The following VRTN variants were observed in gnomAD, a reference collection of about 807,000 sequenced individuals.
VRTN encodes the protein vertnin.
Under a neutral mutation model 18.2 loss-of-function variants are expected in VRTN, and 5 were observed. The ratio of observed to expected loss-of-function variants is 0.27; its 90% CI spans 0.14 to 0.58. The LOEUF (loss-of-function observed/expected upper bound fraction) is 0.58, where lower values mean the gene tolerates loss of function less well. Among genes scored for constraint, VRTN ranks in the 20% least tolerant of loss-of-function variants. The probability of loss-of-function intolerance (pLI) is 0.91; values close to 1 mark genes in which losing one functional copy is unlikely to be tolerated. For synonymous variants in VRTN, 381 were observed against 393.7 expected, an observed-to-expected ratio of 0.97 and a Z score of 0.38; for missense variants, 741 against 939.4, an observed-to-expected ratio of 0.79 and a Z score of 2.76.
chr14:74,352,916 A>G (rs1211047622), intron 1 of VRTN, among the ~76,000 whole-genome samples: 1 of 152,232 alleles, frequency 6.6e-6, no homozygotes, highest in Non-Finnish European at 1.5e-5. Flanking sequence ...TGAACAATAA[A>G]AACATACCAA....
In VRTN at chr14:74,358,810, C is replaced by T; in HGVS notation, c.2027C>T (p.Ala676Val). 6.2e-7 allele frequency: 1 copy of T among 1,614,232 alleles called. No individual in the cohort carries two copies. Among genetic ancestry groups the T allele is most frequent in the East Asian group, 2.2e-5 (1 of 44,882 alleles). ...KSFPSYKEFS[A>V]LFPLTARSTY... ...TTTCCCTCCTACAAGGAGTTCAGTG[C>T]CCTCTTTCCCCTCACTGCCCGCTCC... The change falls in exon 2 of 2, where the codon GCC (alanine) becomes GTC (valine). Residue 676 changes from alanine to valine, a missense_variant. By Grantham distance (64) the Ala-to-Val change is moderately conservative (BLOSUM62 0). This residue lies in a region of VRTN where 61 missense variants were observed against 104.6 expected (regional missense o/e 0.58). Transcript: ENST00000256362. The surrounding 1 kb of genome is among the most constrained non-coding windows in gnomAD (Gnocchi z 5.4).
chr14:74,342,888 A>G (rs1336629163), intron 2 of VRTN, among the ~76,000 whole-genome samples: 1 of 152,154 alleles, frequency 6.6e-6, no homozygotes, highest in Admixed American at 6.6e-5. Flanking sequence ...AAGTTCTAGG[A>G]TTACAGGTGT....
chr14:74,357,814 G>A lies in VRTN; in HGVS notation c.1031G>A (p.Arg344His), dbSNP rs147057914. Residue 344 changes from arginine (R) to histidine (H), a missense_variant, in exon 2 of 2, where the codon CGC (arginine) becomes CAC (histidine). Around this residue, in one of 3 missense-constraint regions of VRTN, gnomAD observed 494 missense variants for 546.5 expected, o/e 0.90. Transcript: ENST00000256362. This position sits in a 1 kb window ranked among gnomAD's most constrained non-coding sequence, Gnocchi z 7.8. Reference protein sequence around the residue: ...QFLQRFPEISRSTYYAWKHEL... With the variant: ...QFLQRFPEISHSTYYAWKHEL... ...CTCCAGCGGTTCCCGGAGATCTCCC[G>A]CTCAACCTACTATGCCTGGAAGCAT... The A allele has an allele frequency of 3.5e-4, 563 of 1,613,192 alleles. No individual in the cohort carries two copies. Among genetic ancestry groups the A allele is most frequent in the Admixed American group, 4.3e-4 (26 of 60,020 alleles).
intron 1 of VRTN, among the ~76,000 whole-genome samples, chr14:74,314,397 T>C (rs951778446): frequency 1.4e-5 from 2 of 145,580 alleles, no homozygotes; most frequent in African/African-American, 5.1e-5. Context: ...AACTGTTCTT[T>C]TTTTTTTTTT....
rs1032266566 is a variant in VRTN at position 74,323,014 on chromosome 14, T to C, written c.-163-14709T>C. ...CAGGCATGGTGACATGCACCTGTAA[T>C]CCTAACTACTCGGGAGGCTGAGGCA... On this transcript the variant is annotated intron_variant, in intron 1 of 2. Coordinates refer to the VRTN transcript ENST00000557177. Among the ~76,000 whole-genome samples, 3 of 151,806 alleles carry C rather than the reference T, an allele frequency of 2.0e-5. No homozygotes were observed. The South Asian group carries it at 6.2e-4, about 32-fold the overall frequency.
At chr14:74,303,099 C>A (rs1358289897) in exon 1 of VRTN, 7 of 517,170 alleles carry the variant, frequency 1.4e-5, no homozygotes, top group Middle Eastern at 3.4e-4. Context: ...TCGGCTGACC[C>A]GGCGGCTACA....
chr14:74,332,340 T>G (rs1366918583), intron 1 of VRTN, among the ~76,000 whole-genome samples: 2 of 22,350 alleles, frequency 8.9e-5, no homozygotes, highest in South Asian at 1.6e-3. Flanking sequence ...AATCTGTTTT[T>G]TTTTTTTTTT....
intron 1 of VRTN, among the ~76,000 whole-genome samples, chr14:74,355,304 A>C (rs2085718152): frequency 6.6e-6 from 1 of 152,154 alleles, no homozygotes; most frequent in Non-Finnish European, 1.5e-5. Context: ...ATATATCCAA[A>C]TCTGAATGAC....
Position 74,357,963 on chromosome 14 carries a change from G to C in VRTN, c.1180G>C (p.Val394Leu), listed in dbSNP as rs878959476. Residue 394 changes from valine to leucine, a missense_variant, in exon 2 of 2, where the codon GTG becomes CTG. Transcript: ENST00000256362. The surrounding 1 kb of genome is among the most constrained non-coding windows in gnomAD (Gnocchi z 7.8). ...GGAGCTGGAGTGCTCCGCACTGGCGGTGTCAAGCCCTGGAATGGTCTTAAT... is the reference window on the plus strand; with the variant it reads ...GGAGCTGGAGTGCTCCGCACTGGCGCTGTCAAGCCCTGGAATGGTCTTAAT... ...EEELECSALA[V>L]SSPGMVLMQR... 1 of 1,614,246 alleles carries C rather than the reference G, an allele frequency of 6.2e-7. No individual in the cohort carries two copies. The highest frequency in any genetic ancestry group is 1.1e-5 in the South Asian group (1 of 91,092).
chr14:74,344,750 A>AAAAAAAAAAAAAAGT (rs1410658975), upstream of VRTN, among the ~76,000 whole-genome samples: 25 of 128,046 alleles, frequency 2.0e-4, no homozygotes, highest in Admixed American at 2.4e-4. Flanking sequence ...AAAAAAAATG[A>AAAAAAAAAAAAAAGT]AAAAAAGAAA....
At chr14:74,342,452 T>C (rs4899511) in intron 2 of VRTN, among the ~76,000 whole-genome samples, 59,937 of 151,960 alleles carry the variant, frequency 0.39, 13,527 homozygotes, top group African/African-American at 0.63. Context: ...TGTATATATG[T>C]ATTCGTGTAT....
chr14:74,328,546 G>A (rs2085501974), intron 1 of VRTN, among the ~76,000 whole-genome samples: 1 of 152,176 alleles, frequency 6.6e-6, no homozygotes, highest in African/African-American at 2.4e-5. Context: ...CACTGTTTCT[G>A]ATAGTGAAAA....
chr14:74,344,244 T>TCCAAAAAAAAAAAAAAAA (rs760737512), upstream of VRTN, among the ~76,000 whole-genome samples: 30 of 2,478 alleles, frequency 0.012, no homozygotes, highest in South Asian at 0.043. Flanking sequence ...CTCTGCTTTC[T>TCCAAAAAAAAAAAAAAAA]ACAAAAAAAA....
intron 1 of VRTN, among the ~76,000 whole-genome samples, chr14:74,354,799 T>C (rs1320338904): frequency 6.6e-6 from 1 of 152,150 alleles, no homozygotes; most frequent in African/African-American, 2.4e-5. Context: ...CTGAGTGATG[T>C]AGATCTTTAG....
intron 1 of VRTN, among the ~76,000 whole-genome samples, chr14:74,352,173 TATTTATG>T (rs2085690263): frequency 1.3e-5 from 2 of 151,178 alleles, no homozygotes; most frequent in African/African-American, 4.9e-5. Context: ...TAATTTTTTT[TATTTATG>T]TTTTATTTTT....
intron 1 of VRTN, among the ~76,000 whole-genome samples, chr14:74,329,731 A>G (rs1386739311): frequency 2.6e-5 from 4 of 151,700 alleles, no homozygotes; most frequent in Non-Finnish European, 5.9e-5. Context: ...GGTATGTGCC[A>G]CCATGCCCAG....
rs377429372 is a variant in VRTN at position 74,356,776 on chromosome 14, C to T, written c.-1-7C>T. On this transcript the variant is annotated splice_polypyrimidine_tract_variant and splice_region_variant and intron_variant, in intron 1 of 1. Transcript: ENST00000256362. ...GACTACTGCCCCTTTATCTTTTGCC[C>T]TGGCAGGATGACTTCTCGGAACCAG... 19 of 1,577,134 alleles carry T rather than the reference C, an allele frequency of 1.2e-5. No homozygotes were observed. Among genetic ancestry groups the T allele is most frequent in the African/African-American group, 4.1e-5 (3 of 73,840 alleles).
intron 1 of VRTN, among the ~76,000 whole-genome samples, chr14:74,318,525 C>T (rs1782384799): frequency 6.6e-6 from 1 of 152,132 alleles, no homozygotes; most frequent in Non-Finnish European, 1.5e-5. Flanking sequence ...CCTGCCTCGG[C>T]CTCCCAAAGC....
At chr14:74,318,687 C>T (rs1467445614) in intron 1 of VRTN, among the ~76,000 whole-genome samples, 1 of 150,368 alleles carries the variant, frequency 6.7e-6, no homozygotes, top group East Asian at 2.0e-4. Context: ...GCTGGGATTA[C>T]AGGCGTGAGC....
Sources: gnomAD v4.1 joint callset for allele counts (sites outside exome capture counted in the v4.1 genomes callset) on GRCh38, gnomAD v4.1.1 for gene constraint, gnomAD v4.1.1 regional missense constraint, Gnocchi (gnomAD v3.1) non-coding constraint, MANE v1.5 for transcripts, NCBI Gene and HGNC (gene_info 2026-07-23, HGNC 2026-07-21) for gene names.